RARB: variants seen among roughly 807,000 people sequenced by gnomAD.
RARB encodes retinoic acid receptor beta.
In RARB, 17 loss-of-function variants were observed where a neutral mutation model predicts 51.9. The observed-to-expected ratio is 0.33, with a 90% CI of 0.22 to 0.49. The LOEUF (loss-of-function observed/expected upper bound fraction) is 0.49, where lower values mean the gene tolerates loss of function less well. Among genes scored for constraint, RARB ranks in the 20% least tolerant of loss-of-function variants. The pLI is 0.99. For synonymous variants in RARB, 215 were observed against 195.4 expected (o/e 1.10, Z -0.84); for missense variants, 369 against 550.8 (o/e 0.67, Z 3.30).
At chr3:25,233,910 G>T (rs1360766275) in intron 5 of RARB, among the ~76,000 whole-genome samples, 1 of 151,670 alleles carries the variant, frequency 6.6e-6, no homozygotes, top group Non-Finnish European at 1.5e-5. Context: ...AGCTATCCTT[G>T]TGTCCCCAGA....
At position 25,203,170 on chromosome 3, in the gene RARB, C is replaced by T. The variant is rs539544196; in HGVS notation, c.178+28595C>T. Among the ~76,000 whole-genome samples, 274 of 152,218 alleles carry T rather than the reference C, an allele frequency of 1.8e-3. 1 individual carries two copies. Among genetic ancestry groups the T allele is most frequent in the African/African-American group, 6.4e-3 (266 of 41,534 alleles). On this transcript the variant is annotated intron_variant, in intron 5 of 11. Transcript: ENST00000383772. ...GTTAGCTCTTCTTGTTGAATTGATC[C>T]CTTACCATTATGCAATGGCCTTCTT...
rs543563027 is a variant in RARB, at chr3:25,158,529, G to C, written c.-279-15590G>C. 3.3e-5 allele frequency among the ~76,000 whole-genome samples: 5 copies of C among 152,170 alleles called. No homozygotes were observed. The East Asian group carries it at 5.8e-4, about 18-fold the overall frequency. ...CCTTTGTAGCAAGTATTGGTTTTAG[G>C]GGGGAGGTGGTAACTCTTCTTCCTT... On this transcript the variant is annotated intron_variant, in intron 4 of 11. Transcript: ENST00000383772.
rs376170107 is a variant in RARB, at chr3:25,420,990, C to CAAAAAAA, written c.179-40203_179-40202insAAAAAAA. Among the ~76,000 whole-genome samples the CAAAAAAA allele has an allele frequency of 3.4e-3, 215 of 62,382 alleles. 11 individuals are homozygous for CAAAAAAA. Among genetic ancestry groups the CAAAAAAA allele is most frequent in the Middle Eastern group, 9.1e-3 (1 of 110 alleles). 40.9% of individuals were successfully genotyped at this position (62,382 alleles called of 152,430 possible). A position where few individuals can be genotyped will look rare whatever the true frequency, so the allele number is the denominator to read the frequency against. On this transcript the variant is annotated intron_variant, in intron 5 of 11. Coordinates refer to the RARB transcript ENST00000383772. ...GTGCTGAGGCTCAACACCACTTATGCCAAAAAAAAAAAAAAAAAACAGAGT... is the reference window on the plus strand; with the variant it reads ...GTGCTGAGGCTCAACACCACTTATGCAAAAAAACAAAAAAAAAAAAAAAAAACAGAGT...
At chr3:25,267,891 A>G (rs916385236) in intron 5 of RARB, among the ~76,000 whole-genome samples, 2 of 152,210 alleles carry the variant, frequency 1.3e-5, no homozygotes, top group African/African-American at 4.8e-5. Context: ...AGGAATGAGC[A>G]TAGAAATCTA....
At chr3:25,480,371 A>G (rs1696166465) in intron 2 of RARB, among the ~76,000 whole-genome samples, 1 of 152,196 alleles carries the variant, frequency 6.6e-6, no homozygotes, top group African/African-American at 2.4e-5. Context: ...TGTTGCTGCA[A>G]CATTTTCCAG....
chr3:24,919,765 T>G (rs1559396406), intron 2 of RARB, among the ~76,000 whole-genome samples: 3 of 152,232 alleles, frequency 2.0e-5, no homozygotes, highest in Admixed American at 2.0e-4. Context: ...TTTATTTTTC[T>G]TCATGGTGCC....
At chr3:25,031,605 C>A (rs76767206) in intron 2 of RARB, among the ~76,000 whole-genome samples, 2,708 of 152,208 alleles carry the variant, frequency 0.018, 77 homozygotes, top group African/African-American at 0.062. Context: ...CTCTGTTGAC[C>A]CACTTCCTCT....
intron 2 of RARB, among the ~76,000 whole-genome samples, chr3:24,917,083 C>G (rs1442437006): frequency 6.6e-6 from 1 of 152,056 alleles, no homozygotes; most frequent in East Asian, 1.9e-4. Context: ...TAAAACTTTT[C>G]AACTTTTGTT....
chr3:25,124,165 G>A (rs891882333), intron 3 of RARB, among the ~76,000 whole-genome samples: 1 of 152,154 alleles, frequency 6.6e-6, no homozygotes, highest in Non-Finnish European at 1.5e-5. Context: ...ACGAGGTCAG[G>A]AGTTCAAGAC....
intron 3 of RARB, among the ~76,000 whole-genome samples, chr3:25,120,559 C>G (rs1388404638): frequency 6.6e-6 from 1 of 151,740 alleles, no homozygotes; most frequent in Admixed American, 6.6e-5. Context: ...CTCTCTCTCT[C>G]TCTCGATATG....
chr3:25,189,060 T>TCCAGGCATG (rs1357920111), intron 5 of RARB, among the ~76,000 whole-genome samples: 1 of 152,150 alleles, frequency 6.6e-6, no homozygotes, highest in African/African-American at 2.4e-5. Flanking sequence ...AATGAAGTCA[T>TCCAGGCATG]CCAGGCATGC....
At position 25,035,148 on chromosome 3, in the gene RARB, G is replaced by A. The variant is rs114271585; in HGVS notation, c.-379-24977G>A. 4.3e-3 allele frequency among the ~76,000 whole-genome samples: 662 copies of A among 152,204 alleles called. 4 individuals are homozygous for A. Among genetic ancestry groups the A allele is most frequent in the African/African-American group, 0.015 (634 of 41,506 alleles). On this transcript the variant is annotated intron_variant, in intron 2 of 11. Coordinates refer to the RARB transcript ENST00000383772. ...TTTTTTGTTTGTTATTTGAGACAGG[G>A]TCTTACTCTATCACTCGGGCTGCAG...
intron 5 of RARB, among the ~76,000 whole-genome samples, chr3:25,374,123 G>A (rs1706385949): frequency 1.3e-5 from 2 of 152,168 alleles, no homozygotes; most frequent in South Asian, 2.1e-4. Context: ...GAATGGTGAG[G>A]GTAGGAGGGC....
chr3:25,195,902 A>G (rs1701221646), intron 5 of RARB, among the ~76,000 whole-genome samples: 2 of 151,988 alleles, frequency 1.3e-5, no homozygotes, highest in African/African-American at 4.8e-5. Flanking sequence ...TCCTGGAATC[A>G]ATGTTTATGG....
intron 5 of RARB, among the ~76,000 whole-genome samples, chr3:25,334,263 G>T (rs548750278): frequency 6.6e-6 from 1 of 152,198 alleles, no homozygotes; most frequent in Admixed American, 6.5e-5. Flanking sequence ...CAATAACAAA[G>T]ACTTGGAACC....
At position 24,898,998 on chromosome 3, in the gene RARB, C is replaced by G. The variant is rs568095792; in HGVS notation, c.-380+40246C>G. Among the ~76,000 whole-genome samples the G allele has an allele frequency of 1.4e-3, 217 of 152,256 alleles. 1 individual carries two copies. Among genetic ancestry groups the G allele is most frequent in the African/African-American group, 5.0e-3 (207 of 41,546 alleles). ...CTGGCTTGAAGGTGGCTTGAAAACTCAAGTACTCAAGGTTGTCAAAGTGTG... is the reference window on the plus strand; with the variant it reads ...CTGGCTTGAAGGTGGCTTGAAAACTGAAGTACTCAAGGTTGTCAAAGTGTG... On this transcript the variant is annotated intron_variant, in intron 2 of 11. Coordinates refer to the RARB transcript ENST00000383772.
At chr3:25,546,126 G>A (rs570683048) in intron 3 of RARB, among the ~76,000 whole-genome samples, 1 of 152,220 alleles carries the variant, frequency 6.6e-6, no homozygotes, top group African/African-American at 2.4e-5. Context: ...GGCATGTGTA[G>A]GGACCATCGA....
intron 4 of RARB, among the ~76,000 whole-genome samples, chr3:25,570,691 T>G (rs1246917123): frequency 6.6e-6 from 1 of 152,230 alleles, no homozygotes; most frequent in Non-Finnish European, 1.5e-5. Context: ...GCATGTATTA[T>G]GTTCACTGAT....
chr3:25,017,470 T>TCAGG, intron 2 of RARB, among the ~76,000 whole-genome samples: 1 of 152,152 alleles, frequency 6.6e-6, no homozygotes, highest in African/African-American at 2.4e-5. Context: ...ATTCTGAAGG[T>TCAGG]CAGGTTTCCC....
Sources: gnomAD v4.1 joint callset for allele counts (sites outside exome capture counted in the v4.1 genomes callset) on GRCh38, gnomAD v4.1.1 for gene constraint, MANE v1.5 for transcripts, NCBI Gene and HGNC (gene_info 2026-07-23, HGNC 2026-07-21) for gene names.